Variants in UEVLD observed in about 807,000 individuals in gnomAD.
UEVLD encodes the protein UEV and lactate/malate dehyrogenase domains, also known as ubiquitin-conjugating enzyme E2 variant 3.
In UEVLD, 47 loss-of-function variants were observed where a neutral mutation model predicts 58.6. The ratio of observed to expected loss-of-function variants is 0.80; its 90% CI spans 0.63 to 1.02. The LOEUF is 1.02. UEVLD is among the 50% of genes least tolerant of loss of function. UEVLD has a pLI of 0.00. For missense variants in UEVLD, 510 were observed against 550.6 expected (o/e 0.93, Z 0.74); for synonymous variants, 197 against 195.3 (o/e 1.01, Z -0.07).
chr11:18,572,684 A>C (rs934891373), intron 3 of UEVLD, among the ~76,000 whole-genome samples: 1 of 151,832 alleles, frequency 6.6e-6, no homozygotes, highest in African/African-American at 2.4e-5. Flanking sequence ...CACACCAGTA[A>C]TCCCAGCTAC....
At chr11:18,577,114 G>A (rs1184893855) in intron 2 of UEVLD, among the ~76,000 whole-genome samples, 1 of 152,016 alleles carries the variant, frequency 6.6e-6, no homozygotes, top group Non-Finnish European at 1.5e-5. Context: ...ACCTGGAAGG[G>A]GGAGGTTGCA....
At chr11:18,549,014 A>C (rs1851414372) in intron 7 of UEVLD, among the ~76,000 whole-genome samples, 1 of 152,196 alleles carries the variant, frequency 6.6e-6, no homozygotes, top group African/African-American at 2.4e-5. Flanking sequence ...CACTGTTCTA[A>C]CAGTTCTCCA....
chr11:18,537,377 C>T (rs1038460027), intron 9 of UEVLD, among the ~76,000 whole-genome samples: 1 of 145,312 alleles, frequency 6.9e-6, no homozygotes, highest in Non-Finnish European at 1.5e-5. Context: ...TGTTACCTAG[C>T]CTGGTGTGCA....
chr11:18,580,517 T>G (rs879007820), intron 1 of UEVLD, among the ~76,000 whole-genome samples: 25 of 151,760 alleles, frequency 1.6e-4, no homozygotes, highest in African/African-American at 6.1e-4. Flanking sequence ...AATGAAATAT[T>G]CAACCACAAA....
chr11:18,544,575 A>G (rs750845312), intron 9 of UEVLD, 48 bp downstream of exon 9: 1 of 1,561,608 alleles, frequency 6.4e-7, no homozygotes, highest in Non-Finnish European at 8.6e-7. Flanking sequence ...AAAGTGTTGG[A>G]ATTACAGGCA....
At chr11:18,539,551 T>C (rs1850969857) in intron 9 of UEVLD, among the ~76,000 whole-genome samples, 1 of 152,156 alleles carries the variant, frequency 6.6e-6, no homozygotes, top group South Asian at 2.1e-4. Flanking sequence ...GCATGAATGT[T>C]TTACTTAGAT....
chr11:18,534,582 G>A (rs1171578856), intron 10 of UEVLD, 129 bp from the exon 11 acceptor site: 3 of 932,906 alleles, frequency 3.2e-6, no homozygotes, highest in South Asian at 3.8e-5. Flanking sequence ...TGTTAGGGAA[G>A]CCTATAGATA....
chr11:18,568,531 T>C (rs1481636874), intron 4 of UEVLD, among the ~76,000 whole-genome samples: 1 of 152,206 alleles, frequency 6.6e-6, no homozygotes, highest in African/African-American at 2.4e-5. Flanking sequence ...GTAAGATCCA[T>C]TTTTGTCCTT....
intron 7 of UEVLD, among the ~76,000 whole-genome samples, chr11:18,554,385 C>CCCAACAT (rs1201926015): frequency 7.6e-6 from 1 of 132,326 alleles, no homozygotes; most frequent in African/African-American, 2.8e-5. Context: ...AGCCACTGTG[C>CCCAACAT]CTGGCCATTT....
At chr11:18,547,762 G>A (rs1030086543) in intron 7 of UEVLD, among the ~76,000 whole-genome samples, 3 of 152,092 alleles carry the variant, frequency 2.0e-5, no homozygotes, top group Non-Finnish European at 4.4e-5. Context: ...AGGCCATCAG[G>A]GAGGAGTGGA....
intron 7 of UEVLD, among the ~76,000 whole-genome samples, chr11:18,551,621 G>A (rs540920199): frequency 2.6e-5 from 4 of 152,184 alleles, no homozygotes; most frequent in East Asian, 1.9e-4. Context: ...GAATGAGACC[G>A]CCTGGTTCAA....
chr11:18,583,982 T>C (rs550986587), intron 1 of UEVLD, among the ~76,000 whole-genome samples: 2 of 152,252 alleles, frequency 1.3e-5, no homozygotes, highest in South Asian at 4.1e-4. Flanking sequence ...TGAGCAAATC[T>C]AGGTTAAGTT....
Position 18,554,392 on chromosome 11 carries a change from A to ATTTT in UEVLD, c.715+3832_715+3835dup, listed in dbSNP as rs34857682. ...CAGGCGTGAGCCACTGTGCCTGGCC[A>ATTTT]TTTTTTTTTTTTTTTTTTTTGAGAC... On this transcript the variant is annotated intron_variant, in intron 7 of 11. Transcript: ENST00000396197. 9.3e-5 allele frequency among the ~76,000 whole-genome samples: 10 copies of ATTTT among 107,538 alleles called. 1 individual carries two copies. Among genetic ancestry groups the ATTTT allele is most frequent in the African/African-American group, 1.9e-4 (5 of 26,316 alleles). 70.5% of individuals were successfully genotyped at this position (107,538 alleles called of 152,430 possible). A position where few individuals can be genotyped will look rare whatever the true frequency, so the allele number is the denominator to read the frequency against.
intron 7 of UEVLD, among the ~76,000 whole-genome samples, chr11:18,557,278 A>G (rs1851794490): frequency 6.6e-6 from 1 of 150,974 alleles, no homozygotes; most frequent in Non-Finnish European, 1.5e-5. Context: ...CAGCCTCCCG[A>G]GTAGCTGGGA....
chr11:18,567,540 T>C (rs908850689), intron 4 of UEVLD, among the ~76,000 whole-genome samples: 4 of 152,098 alleles, frequency 2.6e-5, no homozygotes, highest in African/African-American at 9.7e-5. Flanking sequence ...TACAAGAAAA[T>C]CTGGAGAGAC....
intron 1 of UEVLD, among the ~76,000 whole-genome samples, chr11:18,586,336 T>A (rs1853559752): frequency 6.6e-6 from 1 of 152,170 alleles, no homozygotes; most frequent in African/African-American, 2.4e-5. Flanking sequence ...TGCTTCAGCC[T>A]CCCGAGTAGA....
intron 6 of UEVLD, among the ~76,000 whole-genome samples, chr11:18,562,260 G>T (rs868205582): frequency 2.0e-4 from 31 of 152,158 alleles, no homozygotes; most frequent in Middle Eastern, 3.4e-3. Flanking sequence ...AATTTTTGTA[G>T]GGTGGAGGCA....
At chr11:18,572,748 G>A (rs186951112) in intron 3 of UEVLD, among the ~76,000 whole-genome samples, 85 of 148,896 alleles carry the variant, frequency 5.7e-4, no homozygotes, top group African/African-American at 1.7e-3. Flanking sequence ...AGGTTGCAGT[G>A]AGCTGAGATC....
chr11:18,563,285 A>AT (rs1338573844), intron 6 of UEVLD, among the ~76,000 whole-genome samples: 1 of 152,076 alleles, frequency 6.6e-6, no homozygotes, highest in Admixed American at 6.6e-5. Flanking sequence ...CACTAGTACT[A>AT]TTTTTTAAAA....
Sources: allele counts gnomAD v4.1 joint callset (sites outside exome capture counted in the v4.1 genomes callset), GRCh38; gene constraint gnomAD v4.1.1; transcripts MANE v1.5; gene names NCBI Gene and HGNC (gene_info 2026-07-23, HGNC 2026-07-21).